Variants in POFUT3 observed in about 807,000 individuals in gnomAD.
POFUT3 encodes the protein GDP-fucose protein O-fucosyltransferase 3.
chr8:33,353,485 C>T, the POFUT3 span, among the ~76,000 whole-genome samples: 1 of 152,148 alleles, frequency 6.6e-6, no homozygotes, highest in African/African-American at 2.4e-5. Context: ...TACAGCCATC[C>T]CCCTCCTTGC....
the POFUT3 span, among the ~76,000 whole-genome samples, chr8:33,340,075 A>G: frequency 5.9e-5 from 9 of 152,184 alleles, no homozygotes; most frequent in Non-Finnish European, 1.2e-4. Context: ...AATATTTTAA[A>G]CAATTCTATT....
chr8:33,314,106 A>T, the POFUT3 span, among the ~76,000 whole-genome samples: 1 of 152,174 alleles, frequency 6.6e-6, no homozygotes, highest in African/African-American at 2.4e-5. Flanking sequence ...CTGAGTTATC[A>T]TCGGCCTATT....
At chr8:33,343,499 C>G in the POFUT3 span, among the ~76,000 whole-genome samples, 1 of 152,226 alleles carries the variant, frequency 6.6e-6, no homozygotes, top group African/African-American at 2.4e-5. Flanking sequence ...TCTCCAATTA[C>G]AGAATATTCA....
At chr8:33,442,158 G>C in the POFUT3 span, among the ~76,000 whole-genome samples, 2 of 151,986 alleles carry the variant, frequency 1.3e-5, no homozygotes, top group African/African-American at 4.8e-5. Flanking sequence ...AGTAGAGATG[G>C]GTTTCACCAT....
At chr8:33,318,728 ATT>A in the POFUT3 span, among the ~76,000 whole-genome samples, 2 of 59,778 alleles carry the variant, frequency 3.3e-5, no homozygotes, top group Admixed American at 2.9e-4. Context: ...TTGTATATAT[ATT>A]TTATATATAT....
the POFUT3 span, among the ~76,000 whole-genome samples, chr8:33,311,406 C>T: frequency 6.6e-6 from 1 of 152,118 alleles, no homozygotes; most frequent in South Asian, 2.1e-4. Flanking sequence ...AAATGAAGCA[C>T]ATTGCCCTAA....
the POFUT3 span, among the ~76,000 whole-genome samples, chr8:33,353,252 G>A: frequency 3.3e-5 from 5 of 152,300 alleles, no homozygotes; most frequent in Non-Finnish European, 5.9e-5. Context: ...AGCAGACAGG[G>A]ATCCCTTCCC....
At chr8:33,365,164 T>C in the POFUT3 span, among the ~76,000 whole-genome samples, 3 of 152,180 alleles carry the variant, frequency 2.0e-5, no homozygotes, top group East Asian at 3.8e-4. Context: ...GGGGAAAGGA[T>C]TTCCTATTTA....
the POFUT3 span, among the ~76,000 whole-genome samples, chr8:33,337,558 A>T: frequency 6.6e-6 from 1 of 152,178 alleles, no homozygotes; most frequent in Admixed American, 6.5e-5. Flanking sequence ...GCTGGTAGAT[A>T]ATAACCCCTC....
At chr8:33,455,625 A>G in the POFUT3 span, 1 of 284,132 alleles carries the variant, frequency 3.5e-6, no homozygotes, top group African/African-American at 2.2e-5. Flanking sequence ...CTGAAAGTTT[A>G]GTAGACTATG....
At chr8:33,394,272 A>G in the POFUT3 span, 1 of 178,628 alleles carries the variant, frequency 5.6e-6, no homozygotes, top group Non-Finnish European at 1.2e-5. Context: ...TGAGGTAAAA[A>G]GGGGGAAAGA....
chr8:33,420,753 A>G, the POFUT3 span, among the ~76,000 whole-genome samples: 1 of 152,120 alleles, frequency 6.6e-6, no homozygotes, highest in Admixed American at 6.6e-5. Context: ...AGATGACTAT[A>G]GTTAACAATA....
At chr8:33,324,396 G>T in the POFUT3 span, among the ~76,000 whole-genome samples, 1 of 151,954 alleles carries the variant, frequency 6.6e-6, no homozygotes, top group African/African-American at 2.4e-5. Flanking sequence ...TGCTCTCCCT[G>T]GACCCTTTTT....
the POFUT3 span, among the ~76,000 whole-genome samples, chr8:33,462,166 A>AGGGAGGGGAGAGGAG: frequency 0.022 from 186 of 8,364 alleles, 1 homozygote; most frequent in Non-Finnish European, 0.03. Flanking sequence ...GGGAAGGGGA[A>AGGGAGGGGAGAGGAG]GGGACCAGAG....
the POFUT3 span, among the ~76,000 whole-genome samples, chr8:33,322,434 A>G: frequency 6.6e-6 from 1 of 152,080 alleles, no homozygotes; most frequent in Admixed American, 6.6e-5. Flanking sequence ...GTGACATGCC[A>G]TTTCTCAGAG....
At chr8:33,310,394 A>G in the POFUT3 span, among the ~76,000 whole-genome samples, 1 of 152,190 alleles carries the variant, frequency 6.6e-6, no homozygotes, top group African/African-American at 2.4e-5. Context: ...TTCTCTCATC[A>G]AATGTGTCCT....
chr8:33,362,100 T>C, the POFUT3 span, among the ~76,000 whole-genome samples: 1 of 151,836 alleles, frequency 6.6e-6, no homozygotes, highest in African/African-American at 2.4e-5. Context: ...CAGAAGAGAG[T>C]ATGGGCCAAT....
chr8:33,320,134 T>G, the POFUT3 span, among the ~76,000 whole-genome samples: 2 of 151,980 alleles, frequency 1.3e-5, no homozygotes, highest in East Asian at 1.9e-4. Flanking sequence ...ATCTTATAAA[T>G]GATTTTATGA....
the POFUT3 span, among the ~76,000 whole-genome samples, chr8:33,339,433 G>C: frequency 1.3e-5 from 2 of 152,148 alleles, no homozygotes; most frequent in African/African-American, 4.8e-5. Context: ...TCAAGAACCA[G>C]TGAGACTGTA....
Sources: gnomAD v4.1 joint callset for allele counts (sites outside exome capture counted in the v4.1 genomes callset) on GRCh38, gnomAD v4.1.1 for gene constraint, MANE v1.5 for transcripts, NCBI Gene and HGNC (gene_info 2026-07-23, HGNC 2026-07-21) for gene names.